ADAMTSL3: variants seen among roughly 807,000 people sequenced by gnomAD.
ADAMTSL3 encodes ADAMTS-like protein 3.
In ADAMTSL3, 128 loss-of-function variants were observed where a neutral mutation model predicts 201.7. The observed-to-expected ratio is 0.63, with a 90% CI of 0.55 to 0.73. The LOEUF (loss-of-function observed/expected upper bound fraction) is 0.73, where lower values mean the gene tolerates loss of function less well. Ranked by LOEUF, ADAMTSL3 falls within the 30% of genes least tolerant of loss-of-function variation. ADAMTSL3 has a pLI of 0.00. For synonymous variants in ADAMTSL3, 738 were observed against 748.4 expected (o/e 0.99, Z 0.23); for missense variants, 1,990 against 2,119.6 (o/e 0.94, Z 1.20).
intron 3 of ADAMTSL3, among the ~76,000 whole-genome samples, chr15:83,718,896 T>C (rs767941619): frequency 7.9e-5 from 12 of 152,164 alleles, no homozygotes; most frequent in Non-Finnish European, 1.6e-4. Context: ...TTCTGCCTTT[T>C]CTATATGAAC....
At chr15:83,853,912 CTAT>C (rs2064672783) in intron 7 of ADAMTSL3, among the ~76,000 whole-genome samples, 2 of 57,062 alleles carry the variant, frequency 3.5e-5, no homozygotes. Context: ...CTATCTCTAT[CTAT>C]CTATCTATCT....
intron 3 of ADAMTSL3, among the ~76,000 whole-genome samples, chr15:83,739,434 G>A (rs1596118267): frequency 6.7e-6 from 1 of 149,558 alleles, no homozygotes; most frequent in East Asian, 2.0e-4. Context: ...TTAAAACACA[G>A]TCAAAACTTT....
At chr15:83,669,225 A>G (rs1413289394) in intron 2 of ADAMTSL3, among the ~76,000 whole-genome samples, 10 of 152,088 alleles carry the variant, frequency 6.6e-5, no homozygotes. Flanking sequence ...GGCTCACTGC[A>G]ACCTCCGCCT....
At chr15:83,893,349 G>A (rs1177262179) in intron 13 of ADAMTSL3, among the ~76,000 whole-genome samples, 1 of 152,130 alleles carries the variant, frequency 6.6e-6, no homozygotes, top group Non-Finnish European at 1.5e-5. Context: ...TTAGGGAGAT[G>A]GCCAAACAGA....
intron 19 of ADAMTSL3, among the ~76,000 whole-genome samples, chr15:83,947,692 A>G (rs569992228): frequency 4.6e-5 from 7 of 152,022 alleles, no homozygotes; most frequent in Non-Finnish European, 7.4e-5. Context: ...TTATCTGACT[A>G]TGTCTTTTCT....
At chr15:84,026,315 AAAG>A (rs2068306296) in intron 27 of ADAMTSL3, among the ~76,000 whole-genome samples, 2 of 152,198 alleles carry the variant, frequency 1.3e-5, no homozygotes, top group South Asian at 2.1e-4. Flanking sequence ...CAAAGAAACT[AAAG>A]AAGATCTAAA....
intron 19 of ADAMTSL3, 25 bp from the exon 20 acceptor site, chr15:83,970,459 C>G (rs2067175337): frequency 6.2e-7 from 1 of 1,613,628 alleles, no homozygotes; most frequent in Non-Finnish European, 8.5e-7. Flanking sequence ...CTCCATTTGA[C>G]TCTGTTGCAC....
At chr15:83,711,355 A>G (rs1243783959) in intron 3 of ADAMTSL3, among the ~76,000 whole-genome samples, 3 of 152,214 alleles carry the variant, frequency 2.0e-5, no homozygotes, top group Non-Finnish European at 2.9e-5. Context: ...TTCTGGTGAA[A>G]GAAGACGGAC....
In ADAMTSL3 at chr15:83,738,366, A is replaced by G. The variant is rs548536227; in HGVS notation, c.189+33858A>G. Among the ~76,000 whole-genome samples, 19 of 152,308 alleles carry G rather than the reference A, an allele frequency of 1.2e-4. No homozygotes were observed. In the South Asian group the frequency reaches 3.9e-3, roughly 32 times the overall value. ...CTCCTTTTAGAGATATTTTATGTGT[A>G]TATAAGCAATTTAGCATCTATATGT... On this transcript the variant is annotated intron_variant, in intron 3 of 29. Transcript: ENST00000286744.
At chr15:83,776,327 A>T (rs1228475353) in intron 4 of ADAMTSL3, among the ~76,000 whole-genome samples, 1 of 152,218 alleles carries the variant, frequency 6.6e-6, no homozygotes, top group East Asian at 1.9e-4. Flanking sequence ...TAAGGAGTTT[A>T]ACTCCAGTGA....
chr15:83,655,292 A>G (rs1413162195), intron 1 of ADAMTSL3, among the ~76,000 whole-genome samples: 2 of 152,062 alleles, frequency 1.3e-5, no homozygotes, highest in Non-Finnish European at 2.9e-5. Context: ...CTAAAATGTC[A>G]CTATCTTGCT....
At position 83,957,607 on chromosome 15, in the gene ADAMTSL3, G is replaced by A. The variant is rs546200634; in HGVS notation, c.2491-12877G>A. On this transcript the variant is annotated intron_variant, in intron 19 of 29. Transcript: ENST00000286744. ...ATTGACAGGACATGAGCAAAAAAGA[G>A]GAGTGTTTTGTATTTTTGTCCTGGG... Among the ~76,000 whole-genome samples the A allele has an allele frequency of 3.3e-5, 5 of 152,228 alleles. No homozygotes were observed. In the East Asian group the frequency reaches 9.6e-4, roughly 29 times the overall value.
At chr15:83,996,697 T>C (rs1218849190) in intron 23 of ADAMTSL3, among the ~76,000 whole-genome samples, 1 of 139,116 alleles carries the variant, frequency 7.2e-6, no homozygotes, top group East Asian at 2.1e-4. Flanking sequence ...AGGAGAATGG[T>C]GTGAACCCAG....
At chr15:83,731,792 G>C (rs1455913852) in intron 3 of ADAMTSL3, among the ~76,000 whole-genome samples, 1 of 151,960 alleles carries the variant, frequency 6.6e-6, no homozygotes, top group Non-Finnish European at 1.5e-5. Context: ...GCAACAACAT[G>C]AATGGACCTG....
intron 16 of ADAMTSL3, among the ~76,000 whole-genome samples, chr15:83,914,988 A>G (rs2066007716): frequency 6.6e-6 from 1 of 152,166 alleles, no homozygotes; most frequent in Admixed American, 6.5e-5. Context: ...CTCTAGAGAT[A>G]GCCACGGAGA....
chr15:83,899,064 A>G (rs931320234), intron 14 of ADAMTSL3, among the ~76,000 whole-genome samples: 1 of 152,130 alleles, frequency 6.6e-6, no homozygotes. Flanking sequence ...CTCACTTCAT[A>G]GATAGATTAT....
chr15:83,747,224 T>C (rs949568835), intron 3 of ADAMTSL3, among the ~76,000 whole-genome samples: 3 of 152,200 alleles, frequency 2.0e-5, no homozygotes, highest in Non-Finnish European at 4.4e-5. Context: ...GAGCCAGTTC[T>C]GGCCATTTCT....
chr15:83,772,727 A>C (rs1269244375), intron 3 of ADAMTSL3, among the ~76,000 whole-genome samples: 1 of 142,752 alleles, frequency 7.0e-6, no homozygotes, highest in African/African-American at 2.6e-5. Flanking sequence ...TTTTTCTGAG[A>C]TAGAGTCTTG....
At chr15:83,914,969 G>T (rs2066007433) in intron 16 of ADAMTSL3, among the ~76,000 whole-genome samples, 1 of 151,966 alleles carries the variant, frequency 6.6e-6, no homozygotes, top group Admixed American at 6.6e-5. Context: ...TGATGAGTTT[G>T]GGGAAACCCT....
Sources: gnomAD v4.1 joint callset for allele counts (sites outside exome capture counted in the v4.1 genomes callset) on GRCh38, gnomAD v4.1.1 for gene constraint, MANE v1.5 for transcripts, NCBI Gene and HGNC (gene_info 2026-07-23, HGNC 2026-07-21) for gene names.